PPM1L: variants seen among roughly 807,000 people sequenced by gnomAD.
PPM1L encodes protein phosphatase, Mg2+/Mn2+ dependent 1L.
PPM1L carries 13 observed loss-of-function variants against 31.4 expected under a neutral mutation model. The observed-to-expected ratio is 0.41, with a 90% confidence interval of 0.27 to 0.66. The LOEUF (loss-of-function observed/expected upper bound fraction) is 0.66. PPM1L is among the 30% of genes least tolerant of loss of function. PPM1L has a pLI of 0.29. For synonymous variants in PPM1L, 184 were observed against 175.4 expected (o/e 1.05, Z -0.39); for missense variants, 326 against 453.7 (o/e 0.72, Z 2.56).
At chr3:160,977,130 T>C (rs1716616119) in intron 2 of PPM1L, among the ~76,000 whole-genome samples, 1 of 152,254 alleles carries the variant, frequency 6.6e-6, no homozygotes, top group Non-Finnish European at 1.5e-5. Flanking sequence ...ACACTGTTTT[T>C]TTAAGTCACC....
chr3:160,979,413 G>T (rs1377712752), intron 2 of PPM1L, among the ~76,000 whole-genome samples: 1 of 151,946 alleles, frequency 6.6e-6, no homozygotes, highest in Admixed American at 6.6e-5. Context: ...TCATCTAAGG[G>T]GCACAACTCT....
At chr3:160,951,767 C>A (rs1410056651) in intron 1 of PPM1L, among the ~76,000 whole-genome samples, 1 of 152,156 alleles carries the variant, frequency 6.6e-6, no homozygotes, top group Non-Finnish European at 1.5e-5. Flanking sequence ...TAGTCCATCA[C>A]TTTAATGCTT....
intron 1 of PPM1L, among the ~76,000 whole-genome samples, chr3:160,906,170 A>G (rs1713749505): frequency 6.6e-6 from 1 of 152,064 alleles, no homozygotes; most frequent in Non-Finnish European, 1.5e-5. Context: ...TTGTATTTCT[A>G]TAGGAGTGTT....
At chr3:160,839,529 A>T (rs772870419) in intron 1 of PPM1L, among the ~76,000 whole-genome samples, 1 of 152,228 alleles carries the variant, frequency 6.6e-6, no homozygotes, top group Non-Finnish European at 1.5e-5. Flanking sequence ...GCCTGATATC[A>T]TTAAACATGC....
Position 161,072,751 on chromosome 3 carries a change from C to T in PPM1L, c.*3594C>T, listed in dbSNP as rs1719969519. 6.6e-6 allele frequency: 1 copy of T among 152,154 alleles called. No individual in the cohort carries two copies. The highest frequency in any genetic ancestry group is 6.5e-5 in the Admixed American group (1 of 15,274). The allele number at this position is 152,154 out of a possible 1,614,324, so 9.4% of individuals were successfully genotyped here. A position where few individuals can be genotyped will look rare whatever the true frequency, so the allele number is the denominator to read the frequency against. ...TGTTCTCTAAGTTGTTGCCAGATCTCTCTTGCAACTGTGTCAATGAAAGGT... is the reference window on the plus strand; with the variant it reads ...TGTTCTCTAAGTTGTTGCCAGATCTTTCTTGCAACTGTGTCAATGAAAGGT... On this transcript the variant is annotated 3_prime_UTR_variant, in exon 4 of 4. Transcript: ENST00000498165.
intron 2 of PPM1L, among the ~76,000 whole-genome samples, chr3:160,977,343 C>T (rs188415156): frequency 2.6e-4 from 40 of 152,298 alleles, no homozygotes; most frequent in African/African-American, 7.5e-4. Flanking sequence ...ATTGCTAGGA[C>T]ATACACTGTT....
In PPM1L at chr3:160,856,587, A is replaced by G. The variant is rs1006523571; in HGVS notation, c.399+99880A>G. 2.6e-5 allele frequency among the ~76,000 whole-genome samples: 4 copies of G among 152,286 alleles called. No homozygotes were observed. In the South Asian group the frequency reaches 6.2e-4, roughly 24 times the overall value. On this transcript the variant is annotated intron_variant, in intron 1 of 3. Transcript: ENST00000498165. ...AACCAAATACCACATGTTCTCACTT[A>G]TAAGTGGGAGCTAAACACTGAGTAC...
intron 1 of PPM1L, among the ~76,000 whole-genome samples, chr3:160,956,465 A>G (rs571659521): frequency 4.6e-5 from 7 of 152,344 alleles, no homozygotes; most frequent in African/African-American, 1.7e-4. Context: ...TCCAGGTGTA[A>G]TTAACATCCT....
chr3:160,946,994 G>T (rs1715429512), intron 1 of PPM1L, among the ~76,000 whole-genome samples: 1 of 152,150 alleles, frequency 6.6e-6, no homozygotes. Context: ...AATCAAAATG[G>T]TGTACATTCT....
At chr3:161,040,532 G>A (rs1290862925) in intron 2 of PPM1L, among the ~76,000 whole-genome samples, 2 of 152,120 alleles carry the variant, frequency 1.3e-5, no homozygotes. Context: ...AGAGAAAATC[G>A]AGCATGGTTA....
chr3:161,055,628 T>C (rs747224560), intron 2 of PPM1L, among the ~76,000 whole-genome samples: 3 of 152,098 alleles, frequency 2.0e-5, no homozygotes, highest in Non-Finnish European at 1.5e-5. Context: ...TTGATTCTCC[T>C]GTGCTGTGTA....
intron 1 of PPM1L, among the ~76,000 whole-genome samples, chr3:160,821,691 A>G (rs551619772): frequency 2.0e-5 from 3 of 152,180 alleles, no homozygotes; most frequent in South Asian, 4.2e-4. Flanking sequence ...TGACATATCT[A>G]TCTGTTTTCC....
At position 161,065,548 on chromosome 3, in the gene PPM1L, G is replaced by C; in HGVS notation, c.720G>C (p.Lys240Asn). 1 of 1,613,930 alleles carries C rather than the reference G, an allele frequency of 6.2e-7. No individual in the cohort carries two copies. ...AGCCTTACCAGTTGAAGGAAAGAAA[G>C]AGGATAAAGAGAGCAGGTGAGCTTG... ...DHKPYQLKER[K>N]RIKRAGGFIS... Residue 240 changes from lysine to asparagine, a missense_variant, in exon 3 of 4, where the codon AAG becomes AAC. Physicochemically the swap from Lys to Asn is moderately conservative, Grantham distance 94 (BLOSUM62 0). Coordinates refer to ENST00000498165, the MANE Select transcript of PPM1L (RefSeq NM_139245.4).
intron 2 of PPM1L, among the ~76,000 whole-genome samples, chr3:161,051,085 C>T (rs962997626): frequency 1.3e-5 from 2 of 152,070 alleles, no homozygotes; most frequent in African/African-American, 4.8e-5. Flanking sequence ...GTTGAGGTCT[C>T]ACTTCCTCCC....
intron 1 of PPM1L, among the ~76,000 whole-genome samples, chr3:160,899,406 G>T (rs1336147660): frequency 2.0e-5 from 3 of 152,180 alleles, no homozygotes; most frequent in Admixed American, 2.0e-4. Flanking sequence ...TTGAAAAGAT[G>T]TTGGGGAAGT....
chr3:160,872,468 C>G (rs1712347838), intron 1 of PPM1L, among the ~76,000 whole-genome samples: 1 of 152,214 alleles, frequency 6.6e-6, no homozygotes, highest in Admixed American at 6.5e-5. Context: ...ACAAACATGT[C>G]AGGTCCCCTG....
chr3:160,923,145 AATTT>A (rs1043950087), intron 1 of PPM1L, among the ~76,000 whole-genome samples: 1 of 152,188 alleles, frequency 6.6e-6, no homozygotes, highest in African/African-American at 2.4e-5. Flanking sequence ...TTTTAAGAGT[AATTT>A]ATTTATTCCC....
chr3:160,800,189 G>A (rs1283997947), intron 1 of PPM1L, among the ~76,000 whole-genome samples: 1 of 152,028 alleles, frequency 6.6e-6, no homozygotes, highest in Non-Finnish European at 1.5e-5. Flanking sequence ...ACCATTTTTA[G>A]CCTTTAGTGT....
At chr3:160,952,886 A>T (rs368570702) in intron 1 of PPM1L, among the ~76,000 whole-genome samples, 2 of 152,206 alleles carry the variant, frequency 1.3e-5, no homozygotes, top group South Asian at 2.1e-4. Flanking sequence ...ATTCAGTTTA[A>T]TGGAGCTTGA....
Sources: allele counts gnomAD v4.1 joint callset (sites outside exome capture counted in the v4.1 genomes callset), GRCh38; gene constraint gnomAD v4.1.1; transcripts MANE v1.5; gene names NCBI Gene and HGNC (gene_info 2026-07-23, HGNC 2026-07-21).